Variants in PDE4D observed in about 807,000 individuals in gnomAD.
The protein encoded by PDE4D is 3',5'-cyclic-AMP phosphodiesterase 4D.
PDE4D carries 24 observed loss-of-function variants against 87.4 expected under a neutral mutation model. The ratio of observed to expected loss-of-function variants is 0.27; its 90% CI spans 0.20 to 0.39. PDE4D has a LOEUF of 0.39. PDE4D is among the 10% of genes least tolerant of loss of function. The pLI, the probability that PDE4D is intolerant of heterozygous loss-of-function variation, is 1.00. For missense variants in PDE4D, 714 were observed against 1,041.0 expected (o/e 0.69, Z 4.32); for synonymous variants, 384 against 383.2 (o/e 1.00, Z -0.02).
intron 1 of PDE4D, among the ~76,000 whole-genome samples, chr5:59,672,673 T>C (rs1747418197): frequency 6.6e-6 from 1 of 152,194 alleles, no homozygotes; most frequent in African/African-American, 2.4e-5. Context: ...CTTGATGTAA[T>C]ACAAAAAGTC....
At chr5:59,083,438 C>T (rs1767124034) in intron 5 of PDE4D, among the ~76,000 whole-genome samples, 1 of 151,944 alleles carries the variant, frequency 6.6e-6, no homozygotes, top group African/African-American at 2.4e-5. Flanking sequence ...TTTCCCATTC[C>T]TCCACTTCTA....
chr5:60,442,069 AC>A, intron 1 of PDE4D, among the ~76,000 whole-genome samples: 1 of 152,216 alleles, frequency 6.6e-6, no homozygotes, highest in African/African-American at 2.4e-5. Context: ...ACACCATTTG[AC>A]CCAGCATTCC....
At chr5:59,720,123 T>C (rs1755616451) in intron 1 of PDE4D, among the ~76,000 whole-genome samples, 1 of 152,204 alleles carries the variant, frequency 6.6e-6, no homozygotes, top group African/African-American at 2.4e-5. Flanking sequence ...TGTTTGTGTG[T>C]GTTTTAAGAG....
At chr5:60,136,207 G>A (rs1383999488) in intron 2 of PDE4D, among the ~76,000 whole-genome samples, 1 of 152,012 alleles carries the variant, frequency 6.6e-6, no homozygotes, top group Non-Finnish European at 1.5e-5. Flanking sequence ...ATGAGAATGA[G>A]GTCTTTCTGT....
chr5:59,653,047 T>G lies in PDE4D; in HGVS notation c.455+240121A>C, dbSNP rs927059307. Reference sequence around the variant, plus strand: ...TTAAGTGTCACATTCCAGAAACATTTCCATCCAAAAAAAGACACTTTATAG... The same window carrying G: ...TTAAGTGTCACATTCCAGAAACATTGCCATCCAAAAAAAGACACTTTATAG... On this transcript the variant is annotated intron_variant, in intron 1 of 14. Coordinates refer to ENST00000340635, the MANE Select transcript of PDE4D (RefSeq NM_001104631.2). Among the ~76,000 whole-genome samples, 19 of 151,888 alleles carry G rather than the reference T, an allele frequency of 1.3e-4. No individual in the cohort carries two copies. The South Asian group carries it at 3.9e-3, about 32-fold the overall frequency.
intron 6 of PDE4D, among the ~76,000 whole-genome samples, chr5:59,036,823 C>T (rs1758598196): frequency 6.6e-6 from 1 of 152,072 alleles, no homozygotes; most frequent in African/African-American, 2.4e-5. Context: ...TCAGCTCTGT[C>T]GTGGGCTAGG....
At chr5:59,719,047 G>A (rs1220752015) in intron 1 of PDE4D, among the ~76,000 whole-genome samples, 1 of 151,660 alleles carries the variant, frequency 6.6e-6, no homozygotes, top group South Asian at 2.1e-4. Context: ...TTCATATAAG[G>A]AGACATAAGT....
At chr5:60,515,601 CTT>C (rs954970783) in intron 1 of PDE4D, among the ~76,000 whole-genome samples, 77 of 106,800 alleles carry the variant, frequency 7.2e-4, no homozygotes, top group African/African-American at 2.4e-3. Flanking sequence ...TTTTCTTTTT[CTT>C]TTTTTTTTTT....
intron 1 of PDE4D, among the ~76,000 whole-genome samples, chr5:60,208,920 A>G (rs1742857041): frequency 6.6e-6 from 1 of 152,192 alleles, no homozygotes; most frequent in Non-Finnish European, 1.5e-5. Context: ...TGGGATCTAC[A>G]GGAAACCTGC....
intron 5 of PDE4D, among the ~76,000 whole-genome samples, chr5:59,133,451 G>A (rs1776563009): frequency 6.6e-6 from 1 of 152,016 alleles, no homozygotes; most frequent in Non-Finnish European, 1.5e-5. Flanking sequence ...CACAACACCT[G>A]GTACAAATTA....
At chr5:60,432,196 G>C (rs1279582252) in intron 1 of PDE4D, among the ~76,000 whole-genome samples, 1 of 152,194 alleles carries the variant, frequency 6.6e-6, no homozygotes, top group Admixed American at 6.5e-5. Context: ...TGTTCATCAA[G>C]GATATTGGTC....
chr5:60,020,212 C>T (rs1385466014), intron 2 of PDE4D, among the ~76,000 whole-genome samples: 3 of 152,104 alleles, frequency 2.0e-5, no homozygotes, highest in Admixed American at 1.3e-4. Flanking sequence ...CTTATATAGG[C>T]ATGGTTTTTG....
At chr5:59,684,819 T>C (rs1275783602) in intron 1 of PDE4D, among the ~76,000 whole-genome samples, 1 of 152,224 alleles carries the variant, frequency 6.6e-6, no homozygotes, top group Non-Finnish European at 1.5e-5. Context: ...ATTCCTCTGA[T>C]GGCTGATTTT....
chr5:60,249,155 C>T (rs1314759569), intron 1 of PDE4D, among the ~76,000 whole-genome samples: 2 of 152,026 alleles, frequency 1.3e-5, no homozygotes, highest in Non-Finnish European at 2.9e-5. Context: ...GATATTGCAA[C>T]TCCCCAAAGA....
intron 1 of PDE4D, among the ~76,000 whole-genome samples, chr5:59,363,168 T>C (rs1367709520): frequency 6.6e-6 from 1 of 152,204 alleles, no homozygotes; most frequent in East Asian, 1.9e-4. Context: ...GTCTTATCCA[T>C]TTGGTTCTCA....
chr5:60,143,989 C>T (rs1246620674), intron 2 of PDE4D, among the ~76,000 whole-genome samples: 1 of 152,140 alleles, frequency 6.6e-6, no homozygotes, highest in Non-Finnish European at 1.5e-5. Flanking sequence ...CTTGATTCAG[C>T]AGCAACTTCT....
intron 1 of PDE4D, among the ~76,000 whole-genome samples, chr5:59,762,970 T>C (rs900250472): frequency 6.8e-6 from 1 of 146,108 alleles, no homozygotes; most frequent in Non-Finnish European, 1.5e-5. Context: ...TATAAAATGG[T>C]AAACACACAA....
At chr5:59,071,683 CTTTT>C (rs10701223) in intron 5 of PDE4D, among the ~76,000 whole-genome samples, 2 of 82,406 alleles carry the variant, frequency 2.4e-5, no homozygotes, top group Admixed American at 2.0e-4. Context: ...TATTTCTCTT[CTTTT>C]TTTTTTTTTT....
intron 1 of PDE4D, among the ~76,000 whole-genome samples, chr5:59,499,959 CACA>C (rs1409557846): frequency 1.3e-5 from 2 of 151,552 alleles, no homozygotes; most frequent in East Asian, 3.9e-4. Context: ...CTGGCAAAGA[CACA>C]ACAACAAAAA....
Sources: gnomAD v4.1 joint callset for allele counts (sites outside exome capture counted in the v4.1 genomes callset) on GRCh38, gnomAD v4.1.1 for gene constraint, MANE v1.5 for transcripts, NCBI Gene and HGNC (gene_info 2026-07-23, HGNC 2026-07-21) for gene names.